The following DNAH8 variants were observed in gnomAD, a reference collection of about 807,000 sequenced individuals.
DNAH8 encodes axonemal beta dynein heavy chain 8.
In DNAH8, 382 loss-of-function variants were observed where a neutral mutation model predicts 562.1. The ratio of observed to expected loss-of-function variants is 0.68; its 90% CI spans 0.63 to 0.74. DNAH8 has a LOEUF of 0.74. Ranked by LOEUF, DNAH8 falls within the 30% of genes least tolerant of loss-of-function variation. The probability of loss-of-function intolerance (pLI) is 0.00; values close to 1 mark genes in which losing one functional copy is unlikely to be tolerated. For synonymous variants in DNAH8, 1,881 were observed against 1,919.4 expected (o/e 0.98, Z 0.52); for missense variants, 5,203 against 5,620.4 (o/e 0.93, Z 2.37).
rs768195812 is a variant in DNAH8, at chr6:38,908,079, A to G, written c.9472A>G (p.Arg3158Gly). 3.1e-6 allele frequency: 5 copies of G among 1,601,736 alleles called. No individual in the cohort carries two copies. Among genetic ancestry groups the G allele is most frequent in the Non-Finnish European group, 3.4e-6 (4 of 1,175,224 alleles). Residue 3158 changes from arginine (R) to glycine (G), a missense_variant, in exon 64 of 93, where the codon AGA (arginine) becomes GGA (glycine). Physicochemically the swap from Arg to Gly is moderately radical, Grantham distance 125. Coordinates refer to ENST00000327475, the MANE Select transcript of DNAH8 (RefSeq NM_001206927.2). ...TAATTTGTATGAATACTTCATTTCA[A>G]GATCAAGGAAGAACTTACATGTTGT... ...FDNLYEYFIS[R>G]SRKNLHVVLC... is the part of the protein sequence containing the mutation.
At chr6:38,862,257 C>CTT in intron 43 of DNAH8, 23 bp from the exon 44 acceptor site, 2 of 1,603,238 alleles carry the variant, frequency 1.2e-6, no homozygotes, top group Non-Finnish European at 1.7e-6. Flanking sequence ...ACTCACAATG[C>CTT]TTTATTGGAT....
At position 38,832,541 on chromosome 6, in the gene DNAH8, A is replaced by G. The variant is rs569608195; in HGVS notation, c.4302+106A>G. 153 of 638,602 alleles carry G rather than the reference A, an allele frequency of 2.4e-4. No individual in the cohort carries two copies. In the African/African-American group the frequency reaches 2.5e-3, roughly 11 times the overall value. 39.6% of individuals were successfully genotyped at this position (638,602 alleles called of 1,614,324 possible). ...ATAGGTACGTTGCATGTATGTGGCT[A>G]TATTTGCGTATTTGCAGCTATCAGA... is the stretch of plus-strand genomic sequence containing the variant. On this transcript the variant is annotated intron_variant, in intron 31 of 92. Transcript: ENST00000327475.
intron 13 of DNAH8, among the ~76,000 whole-genome samples, chr6:38,776,728 C>T (rs1248619774): frequency 6.6e-6 from 1 of 152,118 alleles, no homozygotes; most frequent in Non-Finnish European, 1.5e-5. Flanking sequence ...TCCTGTGTGT[C>T]ATAGATTAAG....
intron 53 of DNAH8, among the ~76,000 whole-genome samples, chr6:38,882,555 T>C (rs1005867980): frequency 2.0e-5 from 3 of 152,136 alleles, no homozygotes; most frequent in Non-Finnish European, 2.9e-5. Flanking sequence ...CACTGGGGCC[T>C]ACTTGAGGGT....
chr6:39,012,134 AG>A lies in DNAH8; in HGVS notation c.13372-80del, dbSNP rs2150772701. 14 of 1,051,856 alleles carry A rather than the reference AG, an allele frequency of 1.3e-5. No individual in the cohort carries two copies. In the South Asian group the frequency reaches 2.3e-4, roughly 17 times the overall value. 65.2% of individuals were successfully genotyped at this position (1,051,856 alleles called of 1,614,324 possible). On this transcript the variant is annotated intron_variant, in intron 89 of 92. Coordinates refer to ENST00000327475, the MANE Select transcript of DNAH8 (RefSeq NM_001206927.2). ...TAGAGATACATCTAGAGGAAGAAAA[AG>A]AATTGAGAAAGAAGAGGTTATTGGA...
rs35685371 is a variant in DNAH8 at position 38,734,326 on chromosome 6, A to ACCCC, written c.611-142_611-139dup. The ACCCC allele has an allele frequency of 3.2e-4, 146 of 451,094 alleles. 1 individual carries two copies. The highest frequency in any genetic ancestry group is 2.6e-3 in the African/African-American group (85 of 32,178). The allele number at this position is 451,094 out of a possible 1,614,324, so 27.9% of individuals were successfully genotyped here. On this transcript the variant is annotated intron_variant, in intron 4 of 92. Transcript: ENST00000327475. Reference sequence around the variant, plus strand: ...TGTAATTATTGGCATCTTCTAGTAGACCCCCCCCCAAAAAAATTATTCTAT... The same window carrying ACCCC: ...TGTAATTATTGGCATCTTCTAGTAGACCCCCCCCCCCCCAAAAAAATTATTCTAT...
chr6:38,952,212 A>G (rs898892317), intron 82 of DNAH8, among the ~76,000 whole-genome samples: 4 of 152,160 alleles, frequency 2.6e-5, no homozygotes, highest in African/African-American at 9.7e-5. Context: ...TGGGAGATAG[A>G]AAGTTACTCC....
chr6:39,030,061 A>G (rs368726609), intron 92 of DNAH8, 44 bp from the exon 93 acceptor site: 37 of 1,518,048 alleles, frequency 2.4e-5, no homozygotes, highest in Middle Eastern at 1.7e-4. Context: ...TGCAGCACCT[A>G]GTTTAAAAAA....
At chr6:38,879,724 T>TG (rs34360817) in intron 53 of DNAH8, among the ~76,000 whole-genome samples, 40,492 of 152,028 alleles carry the variant, frequency 0.27, 6,192 homozygotes, top group East Asian at 0.66. Flanking sequence ...GCCAGTGCAG[T>TG]GGGGGGCAAA....
chr6:38,775,654 A>T, intron 12 of DNAH8, 100 bp from the exon 13 acceptor site: 1 of 724,856 alleles, frequency 1.4e-6, no homozygotes, highest in Non-Finnish European at 2.3e-6. Flanking sequence ...GGCCCTGTTT[A>T]ATGGTTTGTG....
intron 8 of DNAH8, among the ~76,000 whole-genome samples, chr6:38,747,384 CTT>C (rs55729629): frequency 0.34 from 38,447 of 114,378 alleles, 6,511 homozygotes; most frequent in Non-Finnish European, 0.44. Flanking sequence ...TTTTCTTTTT[CTT>C]TTTTTTTTTT....
chr6:38,882,262 A>G (rs770527879), intron 53 of DNAH8, among the ~76,000 whole-genome samples: 8 of 152,188 alleles, frequency 5.3e-5, no homozygotes, highest in African/African-American at 7.2e-5. Context: ...ACATGCATGC[A>G]TATGTTCATT....
chr6:38,976,142 A>AAAT (rs1334755143), intron 85 of DNAH8, among the ~76,000 whole-genome samples: 1 of 152,250 alleles, frequency 6.6e-6, no homozygotes, highest in Non-Finnish European at 1.5e-5. Context: ...AGAGGGCTAG[A>AAAT]AATAACACTT....
At chr6:38,839,053 A>G (rs1359795105) in intron 33 of DNAH8, among the ~76,000 whole-genome samples, 1 of 152,190 alleles carries the variant, frequency 6.6e-6, no homozygotes, top group Non-Finnish European at 1.5e-5. Context: ...TCTCTTTCTA[A>G]AACAGTCATT....
At chr6:38,808,110 G>A (rs934863072) in intron 24 of DNAH8, among the ~76,000 whole-genome samples, 1 of 152,184 alleles carries the variant, frequency 6.6e-6, no homozygotes, top group Non-Finnish European at 1.5e-5. Flanking sequence ...CATCCATGGG[G>A]TATAGTTTTT....
chr6:38,980,681 C>T (rs1049336058), intron 85 of DNAH8, among the ~76,000 whole-genome samples: 3 of 152,140 alleles, frequency 2.0e-5, no homozygotes, highest in African/African-American at 7.2e-5. Context: ...TCTCTAATGC[C>T]TGACAACCTT....
chr6:38,805,700 A>G, intron 23 of DNAH8, 104 bp downstream of exon 23: 3 of 605,620 alleles, frequency 5.0e-6, no homozygotes, highest in Non-Finnish European at 8.6e-6. Flanking sequence ...CAACCAATCT[A>G]ATTTCTAACA....
At chr6:38,832,230 AT>A (rs1343789253) in intron 30 of DNAH8, 91 bp from the exon 31 acceptor site, 1 of 731,892 alleles carries the variant, frequency 1.4e-6, no homozygotes, top group Non-Finnish European at 2.4e-6. Flanking sequence ...CATATAGGAT[AT>A]CTGTGAGATA....
chr6:38,874,107 TC>T (rs1157078683), intron 52 of DNAH8, among the ~76,000 whole-genome samples: 17 of 66,594 alleles, frequency 2.6e-4, no homozygotes, highest in African/African-American at 7.3e-4. Context: ...TCTTTCTCCT[TC>T]CTTCCTTCCT....
Sources: allele counts gnomAD v4.1 joint callset (sites outside exome capture counted in the v4.1 genomes callset), GRCh38; gene constraint gnomAD v4.1.1; transcripts MANE v1.5; gene names NCBI Gene and HGNC (gene_info 2026-07-23, HGNC 2026-07-21).